PCF11: variants seen among roughly 807,000 people sequenced by gnomAD.
PCF11 encodes the protein pre-mRNA cleavage complex 2 protein Pcf11.
PCF11 carries 19 observed loss-of-function variants against 166.1 expected under a neutral mutation model. That is an observed-to-expected ratio of 0.11 (90% CI 0.08 to 0.17). The LOEUF (loss-of-function observed/expected upper bound fraction) is 0.17, where lower values mean the gene tolerates loss of function less well. Ranked by LOEUF, PCF11 falls within the 10% of genes least tolerant of loss-of-function variation. The pLI is 1.00. For missense variants in PCF11, 1,565 were observed against 1,855.5 expected (o/e 0.84, Z 2.88); for synonymous variants, 663 against 644.1 (o/e 1.03, Z -0.44).
chr11:83,166,098 G>T, exon 5 of PCF11: 1 of 1,611,134 alleles, frequency 6.2e-7, no homozygotes, highest in Non-Finnish European at 8.5e-7. Context: ...GAACAAGAGA[G>T]ATCCAAGATT....
exon 16 of PCF11, chr11:83,185,843 C>G (rs888010145): frequency 7.2e-5 from 11 of 152,538 alleles, no homozygotes; most frequent in African/African-American, 2.7e-4. Context: ...ATGTGACTTT[C>G]TTGTTGTCTT....
chr11:83,166,462 G>T (rs918072355), exon 5 of PCF11: 17 of 1,613,922 alleles, frequency 1.1e-5, no homozygotes, highest in Non-Finnish European at 1.4e-5. Flanking sequence ...GGAAAGATTC[G>T]CCAATCTGGA....
chr11:83,169,544 C>T (rs1860603362), exon 8 of PCF11: 1 of 1,613,958 alleles, frequency 6.2e-7, no homozygotes, highest in South Asian at 1.1e-5. Flanking sequence ...CCTGGTCAGC[C>T]AGGCCCTCAG....
exon 1 of PCF11, chr11:83,157,423 A>G: frequency 6.2e-7 from 1 of 1,601,888 alleles, no homozygotes; most frequent in Non-Finnish European, 8.5e-7. Context: ...CGGACCTCGG[A>G]GGGGGGCCGC....
intron 8 of PCF11, among the ~76,000 whole-genome samples, chr11:83,170,692 G>C (rs1860658101): frequency 1.3e-5 from 2 of 152,130 alleles, no homozygotes; most frequent in African/African-American, 4.8e-5. Context: ...GGTTGGTTTT[G>C]AATGACTACT....
Position 83,157,379 on chromosome 11 carries a change from G to A in PCF11, c.-61G>A, listed in dbSNP as rs900030440. The A allele has an allele frequency of 6.2e-6, 9 of 1,456,936 alleles. No homozygotes were observed. In the Admixed American group the frequency reaches 1.6e-4, roughly 25 times the overall value. 90.3% of individuals were successfully genotyped at this position (1,456,936 alleles called of 1,614,324 possible). ...GAGGAAGAGGAGTCGGAAGGGAGGC[G>A]GGGTATCCAGAGCGGCTTCAGCTTC... is the stretch of plus-strand genomic sequence containing the variant. On this transcript the variant is annotated 5_prime_UTR_variant, in exon 1 of 16. Coordinates refer to ENST00000298281, the Ensembl canonical transcript of PCF11.
chr11:83,181,212 C>T, intron 12 of PCF11, 21 bp downstream of exon 12: 1 of 1,382,800 alleles, frequency 7.2e-7, no homozygotes, highest in Non-Finnish European at 1.0e-6. Flanking sequence ...CATGTGCCTC[C>T]ATAGTATCTT....
chr11:83,178,616 A>G (rs2135442405), intron 11 of PCF11, among the ~76,000 whole-genome samples: 1 of 152,064 alleles, frequency 6.6e-6, no homozygotes, highest in East Asian at 1.9e-4. Context: ...TAACAAGACC[A>G]TCCTGGCTAA....
intron 1 of PCF11, among the ~76,000 whole-genome samples, chr11:83,160,921 A>G (rs1434892647): frequency 6.6e-6 from 1 of 152,224 alleles, no homozygotes; most frequent in Non-Finnish European, 1.5e-5. Context: ...TTTCTACAAG[A>G]GGTCTAAAAA....
chr11:83,169,720 T>G, exon 8 of PCF11: 1 of 1,613,972 alleles, frequency 6.2e-7, no homozygotes, highest in Non-Finnish European at 8.5e-7. Context: ...ATCAGTATCT[T>G]TCAATCAGAC....
chr11:83,169,743 T>C, exon 8 of PCF11: 2 of 1,613,968 alleles, frequency 1.2e-6, no homozygotes, highest in Non-Finnish European at 1.7e-6. Flanking sequence ...GTCCATATAA[T>C]GATCCACCTG....
In PCF11 at chr11:83,167,688, C is replaced by A; in HGVS notation, c.2092+183C>A. 6.6e-7 allele frequency: 1 copy of A among 1,515,356 alleles called. No individual in the cohort carries two copies. The highest frequency in any genetic ancestry group is 8.8e-7 in the Non-Finnish European group (1 of 1,134,374). 93.9% of individuals were successfully genotyped at this position (1,515,356 alleles called of 1,614,324 possible). A position where few individuals can be genotyped will look rare whatever the true frequency, so the allele number is the denominator to read the frequency against. ...CTTAGATCCTGATATTTTTGACTAC[C>A]CTTTGACTGATGCCTTGTTGTCTGG... On this transcript the variant is annotated intron_variant, in intron 7 of 15. Coordinates refer to ENST00000298281, the Ensembl canonical transcript of PCF11. This position sits in a 1 kb window ranked among gnomAD's most constrained non-coding sequence, Gnocchi z 4.2.
rs200119272 is a variant in PCF11, at chr11:83,177,344, G to A, written c.3877+140G>A. 190 of 668,468 alleles carry A rather than the reference G, an allele frequency of 2.8e-4. 2 individuals carry two copies. The East Asian group carries it at 3.9e-3, about 14-fold the overall frequency. The allele number at this position is 668,468 out of a possible 1,614,324, so 41.4% of individuals were successfully genotyped here. A position where few individuals can be genotyped will look rare whatever the true frequency, so the allele number is the denominator to read the frequency against. ...GGTATAGCTTTTATTTTTGATTTTC[G>A]GTTTATAATGAAATTCTTTTAGATT... On this transcript the variant is annotated intron_variant, in intron 10 of 15. Coordinates refer to ENST00000298281, the Ensembl canonical transcript of PCF11.
chr11:83,167,526 C>A lies in PCF11; in HGVS notation c.2092+21C>A. On this transcript the variant is annotated intron_variant, in intron 7 of 15. Coordinates refer to ENST00000298281, the Ensembl canonical transcript of PCF11. The surrounding 1 kb of genome is among the most constrained non-coding windows in gnomAD (Gnocchi z 4.2). ...AGAAGGTAAACATAGATGCAATGTA[C>A]GGGATAGTCCTACAGAAGAAAATAA... 2.5e-6 allele frequency: 4 copies of A among 1,607,254 alleles called. No homozygotes were observed. The highest frequency in any genetic ancestry group is 2.5e-6 in the Non-Finnish European group (3 of 1,176,506).
chr11:83,185,025 A>G lies in PCF11; in HGVS notation c.*131A>G, dbSNP rs976659305. The G allele has an allele frequency of 2.2e-5, 13 of 586,894 alleles. No homozygotes were observed. The Admixed American group carries it at 2.8e-4, about 12-fold the overall frequency. 36.4% of individuals were successfully genotyped at this position (586,894 alleles called of 1,614,324 possible). ...GGCTGAGGCAGGGCCTTCAGCTATCATTTGGTTAATAAATACATTTTAGTA... is the reference window on the plus strand; with the variant it reads ...GGCTGAGGCAGGGCCTTCAGCTATCGTTTGGTTAATAAATACATTTTAGTA... On this transcript the variant is annotated 3_prime_UTR_variant, in exon 16 of 16. Coordinates refer to ENST00000298281, the Ensembl canonical transcript of PCF11.
chr11:83,164,036 T>C (rs1227549317), intron 3 of PCF11, among the ~76,000 whole-genome samples, 169 bp downstream of exon 3: 1 of 152,138 alleles, frequency 6.6e-6, no homozygotes, highest in South Asian at 2.1e-4. Context: ...TTTAGAAATA[T>C]ATTCACCTTG....
rs200272966 is a variant in PCF11, at chr11:83,168,827, C to G, written c.2492C>G (p.Pro831Arg). The G allele has an allele frequency of 2.4e-5, 39 of 1,613,564 alleles. No homozygotes were observed. The highest frequency in any genetic ancestry group is 2.2e-4 in the Admixed American group (13 of 59,984). ...GGTCCTCCAGGACCAGTGGGGACAC[C>G]TCTGCGGTTTGAGGGCCCAATTGGT... Residue 831 changes from proline to arginine, a missense_variant, in exon 8 of 16, where the codon CCT becomes CGT. Coordinates refer to ENST00000298281, the Ensembl canonical transcript of PCF11.
chr11:83,168,836 T>C, exon 8 of PCF11: 1 of 1,613,638 alleles, frequency 6.2e-7, no homozygotes, highest in Non-Finnish European at 8.5e-7. Flanking sequence ...CCTCTGCGGT[T>C]TGAGGGCCCA....
chr11:83,165,798 A>T (rs1267510996), exon 5 of PCF11: 1 of 1,611,764 alleles, frequency 6.2e-7, no homozygotes, highest in Non-Finnish European at 8.5e-7. Flanking sequence ...TCGTCTGAAC[A>T]GGATAAGCCA....
Sources: allele counts gnomAD v4.1 joint callset (sites outside exome capture counted in the v4.1 genomes callset), GRCh38; gene constraint gnomAD v4.1.1; non-coding constraint Gnocchi (gnomAD v3.1); transcripts MANE v1.5; gene names NCBI Gene and HGNC (gene_info 2026-07-23, HGNC 2026-07-21).